The following SRGAP3 variants were observed in gnomAD, a reference collection of about 807,000 sequenced individuals.
SRGAP3 encodes the protein SLIT-ROBO Rho GTPase activating protein 3, also known as SLIT-ROBO Rho GTPase-activating protein 3.
Under a neutral mutation model 121.1 loss-of-function variants are expected in SRGAP3, and 39 were observed. The observed-to-expected ratio is 0.32, with a 90% CI of 0.25 to 0.42. SRGAP3 has a LOEUF of 0.42. Ranked by LOEUF, SRGAP3 falls within the 10% of genes least tolerant of loss-of-function variation. The pLI is 1.00. For synonymous variants in SRGAP3, 601 were observed against 570.0 expected (o/e 1.05, Z -0.77); for missense variants, 1,213 against 1,470.6 (o/e 0.82, Z 2.86).
At chr3:9,268,682 T>C (rs1954416350) in intron 3 of SRGAP3, among the ~76,000 whole-genome samples, 1 of 152,060 alleles carries the variant, frequency 6.6e-6, no homozygotes, top group Non-Finnish European at 1.5e-5. Context: ...AACTCTGAGA[T>C]AACAAATGTG....
At chr3:9,008,905 C>G (rs113043448) in intron 18 of SRGAP3, among the ~76,000 whole-genome samples, 1 of 152,282 alleles carries the variant, frequency 6.6e-6, no homozygotes, top group East Asian at 1.9e-4. Flanking sequence ...CCCTTTTCCA[C>G]TGAGAGTTTG....
At chr3:9,278,867 A>G (rs1954629624) in intron 3 of SRGAP3, among the ~76,000 whole-genome samples, 1 of 152,214 alleles carries the variant, frequency 6.6e-6, no homozygotes, top group Non-Finnish European at 1.5e-5. Context: ...CATGTGAACA[A>G]TGTCAAGTCA....
chr3:9,330,361 G>A lies in SRGAP3; in HGVS notation n.283+167C>T, dbSNP rs150598070. Among the ~76,000 whole-genome samples the A allele has an allele frequency of 2.0e-3, 309 of 152,284 alleles. 2 individuals are homozygous for A. Among genetic ancestry groups the A allele is most frequent in the African/African-American group, 6.9e-3 (287 of 41,562 alleles). On this transcript the variant is annotated intron_variant and non_coding_transcript_variant, in intron 2 of 3. Transcript: ENST00000490889. ...CAAATCCATCCCTGGACCCAGTCCA[G>A]TTTCTGTTGCAACTCCAAACCCAGT...
intron 3 of SRGAP3, among the ~76,000 whole-genome samples, chr3:9,100,442 T>C (rs1005997177): frequency 6.6e-6 from 1 of 152,174 alleles, no homozygotes; most frequent in South Asian, 2.1e-4. Flanking sequence ...ACACAGAAGG[T>C]GACACCGAGG....
chr3:9,033,642 C>G (rs562108079), intron 11 of SRGAP3: 2 of 152,382 alleles, frequency 1.3e-5, no homozygotes, highest in African/African-American at 4.8e-5. Context: ...CCAGGCTGGT[C>G]TTGAACTCCT....
chr3:9,345,136 T>C (rs899565697), intron 1 of SRGAP3, among the ~76,000 whole-genome samples: 2 of 152,180 alleles, frequency 1.3e-5, no homozygotes, highest in African/African-American at 4.8e-5. Flanking sequence ...AGTAGAATGA[T>C]CATTTTAATG....
chr3:9,146,915 C>T (rs371765101), intron 1 of SRGAP3, among the ~76,000 whole-genome samples: 2 of 152,330 alleles, frequency 1.3e-5, no homozygotes, highest in East Asian at 3.9e-4. Context: ...GCGGTGGCAG[C>T]CTGCTGTGAT....
At chr3:9,292,366 T>C (rs1172690053) in intron 3 of SRGAP3, among the ~76,000 whole-genome samples, 2 of 152,150 alleles carry the variant, frequency 1.3e-5, no homozygotes, top group African/African-American at 2.4e-5. Flanking sequence ...ATCCTATACA[T>C]CGTTCAAAAC....
chr3:9,116,560 A>G (rs1270752991), intron 2 of SRGAP3, among the ~76,000 whole-genome samples: 1 of 152,214 alleles, frequency 6.6e-6, no homozygotes, highest in African/African-American at 2.4e-5. Context: ...ACTTGGGATC[A>G]ACCAACAGCA....
At chr3:9,245,932 A>G (rs567060652) in intron 1 of SRGAP3, among the ~76,000 whole-genome samples, 1 of 152,274 alleles carries the variant, frequency 6.6e-6, no homozygotes, top group African/African-American at 2.4e-5. Flanking sequence ...ACAAAAGAAA[A>G]AAGAAAAAAT....
intron 3 of SRGAP3, among the ~76,000 whole-genome samples, chr3:9,254,927 G>A (rs1229127456): frequency 7.0e-6 from 1 of 143,452 alleles, no homozygotes; most frequent in Admixed American, 7.1e-5. Context: ...GAAAGAGAGA[G>A]AGAAAGAAAA....
chr3:9,071,919 G>A (rs1462307874), intron 4 of SRGAP3, among the ~76,000 whole-genome samples: 3 of 152,104 alleles, frequency 2.0e-5, no homozygotes, highest in Non-Finnish European at 2.9e-5. Context: ...CAGAGTACAC[G>A]CCGTACTGGT....
In SRGAP3 at chr3:9,060,228, C is replaced by T. The variant is rs372157791; in HGVS notation, c.801+3G>A. 71 of 1,613,858 alleles carry T rather than the reference C, an allele frequency of 4.4e-5. No individual in the cohort carries two copies. The highest frequency in any genetic ancestry group is 5.7e-5 in the Non-Finnish European group (67 of 1,179,934). ...TCAGTCCCAGACTCCCCAGGGAGCT[C>T]ACATCGATCAGATCAGAGACATCAT... On this transcript the variant is annotated splice_donor_region_variant and intron_variant, in intron 6 of 21. Coordinates refer to ENST00000383836, the MANE Select transcript of SRGAP3 (RefSeq NM_014850.4).
chr3:9,198,655 C>T (rs983545012), intron 1 of SRGAP3, among the ~76,000 whole-genome samples: 1 of 152,200 alleles, frequency 6.6e-6, no homozygotes, highest in Admixed American at 6.5e-5. Flanking sequence ...AGGCAAAGAC[C>T]ATGTCTGTCT....
chr3:9,305,774 G>A (rs1955151072), intron 3 of SRGAP3, among the ~76,000 whole-genome samples: 1 of 152,190 alleles, frequency 6.6e-6, no homozygotes, highest in Non-Finnish European at 1.5e-5. Context: ...ATTCCATGGT[G>A]TATATGTGCC....
intron 1 of SRGAP3, among the ~76,000 whole-genome samples, chr3:9,226,356 T>C (rs1952988317): frequency 6.6e-6 from 1 of 152,208 alleles, no homozygotes; most frequent in South Asian, 2.1e-4. Flanking sequence ...ACCTTCTAAG[T>C]CACCTAGAAC....
chr3:9,065,817 T>C (rs751532949), intron 4 of SRGAP3, among the ~76,000 whole-genome samples: 4 of 152,256 alleles, frequency 2.6e-5, no homozygotes, highest in African/African-American at 4.8e-5. Flanking sequence ...CATTTCTTTG[T>C]GTGGACATGT....
At chr3:9,361,840 CGT>C (rs1419094683) in intron 1 of SRGAP3, among the ~76,000 whole-genome samples, 1 of 152,138 alleles carries the variant, frequency 6.6e-6, no homozygotes, top group African/African-American at 2.4e-5. Flanking sequence ...CGACAGAGGA[CGT>C]GCAGTGAGGG....
At chr3:9,190,560 G>T (rs183932219) in intron 1 of SRGAP3, among the ~76,000 whole-genome samples, 1 of 152,316 alleles carries the variant, frequency 6.6e-6, no homozygotes, top group African/African-American at 2.4e-5. Flanking sequence ...GGCGCCCATC[G>T]ATGTATTTAT....
Sources: allele counts gnomAD v4.1 joint callset (sites outside exome capture counted in the v4.1 genomes callset), GRCh38; gene constraint gnomAD v4.1.1; transcripts MANE v1.5; gene names NCBI Gene and HGNC (gene_info 2026-07-23, HGNC 2026-07-21).